Variants in MAGT1 observed in about 807,000 individuals in gnomAD.
MAGT1 encodes magnesium transporter 1.
Under a neutral mutation model 28.4 loss-of-function variants are expected in MAGT1, and 4 were observed. That is an observed-to-expected ratio of 0.14 (90% CI 0.07 to 0.32). MAGT1 has a LOEUF of 0.32. Among genes scored for constraint, MAGT1 ranks in the 10% least tolerant of loss-of-function variants. The pLI, the probability that MAGT1 is intolerant of heterozygous loss-of-function variation, is 1.00. For missense variants in MAGT1, 193 were observed against 264.5 expected, an observed-to-expected ratio of 0.73 and a Z score of 1.88; for synonymous variants, 89 against 89.7, an observed-to-expected ratio of 0.99 and a Z score of 0.04.
At chrX:77,847,755 G>A (rs1443410642) in intron 7 of MAGT1, among the ~76,000 whole-genome samples, 1 of 109,713 alleles carries the variant, frequency 9.1e-6, no homozygotes, top group South Asian at 4.0e-4. Flanking sequence ...GGGATTACAG[G>A]CACATGCCAC....
At chrX:77,889,029 G>A (rs2077074488) in intron 1 of MAGT1, among the ~76,000 whole-genome samples, 1 of 108,676 alleles carries the variant, frequency 9.2e-6, no homozygotes, top group Non-Finnish European at 1.9e-5. Flanking sequence ...AGGCTGGAGT[G>A]CAATGGTACA....
intron 3 of MAGT1, among the ~76,000 whole-genome samples, chrX:77,863,393 T>C (rs1239451293): frequency 2.8e-5 from 3 of 107,445 alleles, no homozygotes; most frequent in Non-Finnish European, 3.8e-5. Context: ...TGTGCACCTG[T>C]AGTCCCAGCT....
At chrX:77,831,779 A>G (rs2076899255) in intron 8 of MAGT1, among the ~76,000 whole-genome samples, 2 of 110,009 alleles carry the variant, frequency 1.8e-5, no homozygotes, top group Admixed American at 2.0e-4. Context: ...TTTTTTGAGA[A>G]GACGGTGTCT....
At chrX:77,877,536 G>A (rs1435674418) in intron 1 of MAGT1, among the ~76,000 whole-genome samples, 1 of 109,126 alleles carries the variant, frequency 9.2e-6, no homozygotes, top group African/African-American at 3.3e-5. Context: ...CTCTGGGCCG[G>A]GTGCGGTGGC....
rs1417165164 is a variant in MAGT1 at position 77,827,696 on chromosome X, T to A, written c.*1524A>T. 9.1e-6 allele frequency: 1 copy of A among 110,348 alleles called. No individual in the cohort carries two copies. Among genetic ancestry groups the A allele is most frequent in the Non-Finnish European group, 1.9e-5 (1 of 52,893 alleles). The allele number at this position is 110,348 out of a possible 1,213,427, so 9.1% of individuals were successfully genotyped here. A position where few individuals can be genotyped will look rare whatever the true frequency, so the allele number is the denominator to read the frequency against. On this transcript the variant is annotated 3_prime_UTR_variant, in exon 10 of 10. Coordinates refer to ENST00000618282, the MANE Select transcript of MAGT1 (RefSeq NM_001367916.1). ...ACCTCGTGATCTGCCTGCCTTGGCCTCCCAAAGTGCTGAGATTACAGGCGT... is the reference window on the plus strand; with the variant it reads ...ACCTCGTGATCTGCCTGCCTTGGCCACCCAAAGTGCTGAGATTACAGGCGT...
rs1267062078 is a variant in MAGT1 at position 77,826,099 on chromosome X, A to C, written c.*3121T>G. On this transcript the variant is annotated 3_prime_UTR_variant, in exon 10 of 10. Coordinates refer to ENST00000618282, the MANE Select transcript of MAGT1 (RefSeq NM_001367916.1). ...GGACGAAAGGTAGATCAATTGTTGC[A>C]AACAGTCATTTATCTACTCATCTTG... Among the ~76,000 whole-genome samples, 1 of 112,328 alleles carries C rather than the reference A, an allele frequency of 8.9e-6. No homozygotes were observed. Among genetic ancestry groups the C allele is most frequent in the Non-Finnish European group, 1.9e-5 (1 of 53,288 alleles).
intron 2 of MAGT1, 57 bp from the exon 3 acceptor site, chrX:77,870,982 C>T (rs2077019107): frequency 2.4e-6 from 2 of 845,875 alleles, no homozygotes; most frequent in East Asian, 3.1e-5. Flanking sequence ...AAAGCAATCT[C>T]GTTTATCATC....
At chrX:77,875,709 ATG>A in intron 1 of MAGT1, 112 bp from the exon 2 acceptor site, 1 of 804,176 alleles carries the variant, frequency 1.2e-6, no homozygotes, top group Non-Finnish European at 1.8e-6. Context: ...TATACAGAAA[ATG>A]TGAGACCTAA....
intron 7 of MAGT1, among the ~76,000 whole-genome samples, chrX:77,851,720 T>C (rs1297113421): frequency 9.0e-6 from 1 of 110,514 alleles, no homozygotes; most frequent in Non-Finnish European, 1.9e-5. Context: ...TTTCCCCATG[T>C]TGGCCAGGCT....
chrX:77,838,691 G>A (rs1557214123), intron 8 of MAGT1, among the ~76,000 whole-genome samples: 2 of 106,744 alleles, frequency 1.9e-5, no homozygotes, highest in Admixed American at 1.0e-4. Context: ...CCAGGAGGCG[G>A]AGGTTGCAGT....
intron 1 of MAGT1, among the ~76,000 whole-genome samples, chrX:77,882,681 T>G (rs948430851): frequency 6.3e-5 from 7 of 110,579 alleles, no homozygotes; most frequent in African/African-American, 2.0e-4. Context: ...CATAAAAAAT[T>G]TATGGCCAGG....
chrX:77,829,080 G>T lies in MAGT1; in HGVS notation c.*140C>A. 1 of 507,384 alleles carries T rather than the reference G, an allele frequency of 2.0e-6. No individual in the cohort carries two copies. The highest frequency in any genetic ancestry group is 3.5e-6 in the Non-Finnish European group (1 of 289,623). The allele number at this position is 507,384 out of a possible 1,213,427, so 41.8% of individuals were successfully genotyped here. ...TGTTAAGGCACTACACATCTTCTTT[G>T]GTTAAATGATTAACTATTTAAATCA... On this transcript the variant is annotated 3_prime_UTR_variant, in exon 10 of 10. Coordinates refer to ENST00000618282, the MANE Select transcript of MAGT1 (RefSeq NM_001367916.1).
At chrX:77,865,465 G>GCT (rs1557216817) in intron 3 of MAGT1, among the ~76,000 whole-genome samples, 1 of 103,247 alleles carries the variant, frequency 9.7e-6, no homozygotes, top group Non-Finnish European at 2.0e-5. Context: ...AATTTTTGTT[G>GCT]TTTTTTTTTT....
At chrX:77,875,354 T>C (rs2077030591) in intron 2 of MAGT1, 74 bp downstream of exon 2, 1 of 1,021,201 alleles carries the variant, frequency 9.8e-7, no homozygotes, top group Admixed American at 2.2e-5. Context: ...TGCACTAACT[T>C]GGCCCTTCTG....
intron 2 of MAGT1, among the ~76,000 whole-genome samples, chrX:77,871,395 G>C (rs2077020038): frequency 1.8e-5 from 2 of 112,301 alleles, no homozygotes; most frequent in South Asian, 7.3e-4. Flanking sequence ...AAATTATTAG[G>C]ATGAAAGATA....
At chrX:77,890,089 G>T (rs1241527204) in intron 1 of MAGT1, among the ~76,000 whole-genome samples, 1 of 112,161 alleles carries the variant, frequency 8.9e-6, no homozygotes, top group Non-Finnish European at 1.9e-5. Flanking sequence ...TTCCATCCAT[G>T]TTGTTGCAAA....
chrX:77,840,496 A>G (rs1270346378), intron 8 of MAGT1, among the ~76,000 whole-genome samples: 3 of 110,787 alleles, frequency 2.7e-5, no homozygotes, highest in African/African-American at 9.8e-5. Context: ...TTATAGTTAA[A>G]ATTAGGAAAA....
intron 3 of MAGT1, chrX:77,868,643 C>T (rs2077013244): frequency 6.5e-6 from 2 of 305,997 alleles, no homozygotes; most frequent in Non-Finnish European, 1.3e-5. Flanking sequence ...TCTCAAAAAA[C>T]CTGAAACTAA....
intron 1 of MAGT1, among the ~76,000 whole-genome samples, chrX:77,881,264 T>TA (rs2077051462): frequency 9.0e-6 from 1 of 111,470 alleles, no homozygotes; most frequent in African/African-American, 3.3e-5. Context: ...TTTGTTTTTT[T>TA]TATATATAGA....
Sources: gnomAD v4.1 joint callset for allele counts (sites outside exome capture counted in the v4.1 genomes callset) on GRCh38, gnomAD v4.1.1 for gene constraint, MANE v1.5 for transcripts, NCBI Gene and HGNC (gene_info 2026-07-23, HGNC 2026-07-21) for gene names.